IGDCC4: variants seen among roughly 807,000 people sequenced by gnomAD.
The protein encoded by IGDCC4 is likely ortholog of mouse neighbor of Punc E11.
A neutral mutation model predicts 116.6 loss-of-function variants in IGDCC4; 72 were observed. That is an observed-to-expected ratio of 0.62 (90% CI 0.51 to 0.75). The LOEUF is 0.75. Among genes scored for constraint, IGDCC4 ranks in the 30% least tolerant of loss-of-function variants. The pLI, the probability that IGDCC4 is intolerant of heterozygous loss-of-function variation, is 0.00. For synonymous variants in IGDCC4, 709 were observed against 719.9 expected (o/e 0.98, Z 0.24); for missense variants, 1,501 against 1,662.4 (o/e 0.90, Z 1.69).
At chr15:65,397,083 A>AGCAAACAC in intron 5 of IGDCC4, 94 bp from the exon 6 acceptor site, 1 of 1,435,468 alleles carries the variant, frequency 7.0e-7, no homozygotes, top group Non-Finnish European at 9.5e-7. Context: ...ACCCGGATAA[A>AGCAAACAC]GCAAACACAA....
chr15:65,393,167 A>G lies in IGDCC4; in HGVS notation c.1885+194T>C. Reference sequence around the variant, plus strand: ...CTCAGAATGGTTTGTCCAAGGTCACACAGCAAATCGAAGGGACACCAGATC... The same window carrying G: ...CTCAGAATGGTTTGTCCAAGGTCACGCAGCAAATCGAAGGGACACCAGATC... On this transcript the variant is annotated intron_variant, in intron 10 of 19. Transcript: ENST00000352385. The surrounding 1 kb of genome is among the most constrained non-coding windows in gnomAD (Gnocchi z 4.6). Among the ~76,000 whole-genome samples the G allele has an allele frequency of 6.6e-6, 1 of 152,164 alleles. No individual in the cohort carries two copies. Among genetic ancestry groups the G allele is most frequent in the Non-Finnish European group, 1.5e-5 (1 of 68,022 alleles).
chr15:65,403,769 ATGGATGAGGGTGTTCCCTGCCCTC>A (rs552981358), intron 3 of IGDCC4, among the ~76,000 whole-genome samples: 84 of 152,292 alleles, frequency 5.5e-4, no homozygotes, highest in African/African-American at 1.9e-3. Context: ...AAGGGGCATG[ATGGATGAGGGTGTTCCCTGCCCTC>A]TGGGCTAAAG....
At chr15:65,388,386 T>G in intron 16 of IGDCC4, 63 bp downstream of exon 16, 1 of 1,606,568 alleles carries the variant, frequency 6.2e-7, no homozygotes, top group Non-Finnish European at 8.5e-7. Flanking sequence ...AAATTGTAGT[T>G]GTGTCCACAG....
In IGDCC4 at chr15:65,396,992, G is replaced by A; in HGVS notation, c.842-3C>T. The A allele has an allele frequency of 1.9e-6, 3 of 1,577,840 alleles. 1 individual carries two copies. Among genetic ancestry groups the A allele is most frequent in the South Asian group, 2.3e-5 (2 of 85,938 alleles). ...ATCTGTGGAGATGGGCTTCCCGTCT[G>A]GGGAAGGAGAGGGAGACGCGCTGGA... On this transcript the variant is annotated splice_region_variant and splice_polypyrimidine_tract_variant and intron_variant, in intron 5 of 19. Transcript: ENST00000352385.
rs145664487 is a variant in IGDCC4 at position 65,402,335 on chromosome 15, C to G, written c.700+16G>C. ...CCAGAAACCCCCAGGTTTCCCCACCCAGCCAGCCCCCTTACCTCTGTGGGC... is the reference window on the plus strand; with the variant it reads ...CCAGAAACCCCCAGGTTTCCCCACCGAGCCAGCCCCCTTACCTCTGTGGGC... On this transcript the variant is annotated intron_variant, in intron 4 of 19. Transcript: ENST00000352385. 1.2e-3 allele frequency: 1,911 copies of G among 1,556,870 alleles called. 17 individuals are homozygous for G. In the African/African-American group the frequency reaches 0.023, roughly 19 times the overall value.
intron 13 of IGDCC4, 140 bp from the exon 14 acceptor site, chr15:65,389,551 G>A (rs1051347655): frequency 2.1e-5 from 23 of 1,121,292 alleles, no homozygotes; most frequent in Non-Finnish European, 2.7e-5. Context: ...GCCTGGAGGC[G>A]ACTACCACCA....
intron 6 of IGDCC4, 50 bp from the exon 7 acceptor site, chr15:65,396,213 T>TCTGCCCCTCCCCCCCAGACCCCCCAC: frequency 7.2e-7 from 1 of 1,397,376 alleles, no homozygotes; most frequent in Non-Finnish European, 9.2e-7. Flanking sequence ...AACTAAGGTC[T>TCTGCCCCTCCCCCCCAGACCCCCCAC]CTGCCCCCCC....
intron 1 of IGDCC4, 39 bp from the exon 2 acceptor site, chr15:65,411,409 C>G (rs1460013543): frequency 1.4e-6 from 2 of 1,472,802 alleles, no homozygotes; most frequent in South Asian, 2.8e-5. Flanking sequence ...AGTGTATGTC[C>G]CCCCACCTCC....
chr15:65,410,307 A>G lies in IGDCC4; in HGVS notation c.434T>C (p.Phe145Ser). The G allele has an allele frequency of 6.2e-7, 1 of 1,614,022 alleles. No homozygotes were observed. The highest frequency in any genetic ancestry group is 8.5e-7 in the Non-Finnish European group (1 of 1,180,024). ...CGTCTGAGACTCCGGGTGCAGAGAG[A>G]AGTCTGCGAGTGCTGGGGACAGTGA... ...AVVKLATLAD[F>S]SLHPESQTVE... The change falls in exon 3 of 20, where the codon TTC becomes TCC. Residue 145 changes from phenylalanine to serine, a missense_variant. Transcript: ENST00000352385.
At chr15:65,397,076 C>A in intron 5 of IGDCC4, 87 bp from the exon 6 acceptor site, 6 of 1,470,250 alleles carry the variant, frequency 4.1e-6, no homozygotes, top group Non-Finnish European at 5.5e-6. Context: ...ACTCTGCACC[C>A]GGATAAAGCA....
rs377136244 is a variant in IGDCC4 at position 65,385,234 on chromosome 15, T to C, written c.3181-119A>G. ...GAGCAGGGTCCAGACTGTCACCCGC[T>C]GCTCTCTCCCTCTCCAAGGCTCTGG... is the stretch of plus-strand genomic sequence containing the variant. On this transcript the variant is annotated intron_variant, in intron 18 of 19. Transcript: ENST00000352385. The C allele has an allele frequency of 9.6e-5, 102 of 1,059,588 alleles. No individual in the cohort carries two copies. The African/African-American group carries it at 1.4e-3, about 14-fold the overall frequency. The allele number at this position is 1,059,588 out of a possible 1,614,324, so 65.6% of individuals were successfully genotyped here. A position where few individuals can be genotyped will look rare whatever the true frequency, so the allele number is the denominator to read the frequency against.
intron 1 of IGDCC4, among the ~76,000 whole-genome samples, chr15:65,418,273 A>G (rs1459071970): frequency 1.3e-5 from 2 of 152,234 alleles, no homozygotes; most frequent in Non-Finnish European, 2.9e-5. Context: ...GTACTTAAAC[A>G]TGACCAGGCT....
chr15:65,421,818 C>T (rs2063193908), intron 1 of IGDCC4, among the ~76,000 whole-genome samples: 1 of 152,106 alleles, frequency 6.6e-6, no homozygotes, highest in Admixed American at 6.5e-5. Flanking sequence ...CCATGAGCCG[C>T]CCCCAAACGC....
In IGDCC4 at chr15:65,389,551, G is replaced by T. The variant is rs1051347655; in HGVS notation, c.2409-140C>A. On this transcript the variant is annotated intron_variant, in intron 13 of 19. Transcript: ENST00000352385. ...GGAAGCTGCTCCCTGGCCTGGAGGC[G>T]ACTACCACCACCCAGGGACCTACAG... The T allele has an allele frequency of 8.9e-6, 10 of 1,121,298 alleles. No homozygotes were observed. In the African/African-American group the frequency reaches 1.6e-4, roughly 17 times the overall value. The allele number at this position is 1,121,298 out of a possible 1,614,324, so 69.5% of individuals were successfully genotyped here.
intron 5 of IGDCC4, among the ~76,000 whole-genome samples, chr15:65,397,940 T>C (rs1410392683): frequency 6.6e-6 from 1 of 152,208 alleles, no homozygotes; most frequent in Non-Finnish European, 1.5e-5. Context: ...CAGGAACTGG[T>C]GAATTACATT....
chr15:65,393,850 A>G lies in IGDCC4; in HGVS notation c.1715-319T>C, dbSNP rs75416779. Among the ~76,000 whole-genome samples, 29,828 of 152,168 alleles carry G rather than the reference A, an allele frequency of 0.2. 3,072 individuals carry two copies. The highest frequency in any genetic ancestry group is 0.27 in the Admixed American group (4,195 of 15,302). On this transcript the variant is annotated intron_variant, in intron 9 of 19. Transcript: ENST00000352385. This position sits in a 1 kb window ranked among gnomAD's most constrained non-coding sequence, Gnocchi z 4.6. ...CACACACACGGGATGCAGACACAAG[A>G]GGCTGACCATGAAGGCCAGCAAGAA...
chr15:65,416,653 G>A (rs766502474), intron 1 of IGDCC4, among the ~76,000 whole-genome samples: 1 of 152,106 alleles, frequency 6.6e-6, no homozygotes, highest in South Asian at 2.1e-4. Context: ...CAGTGCCGGG[G>A]TGGACACATT....
chr15:65,390,433 C>G, intron 12 of IGDCC4, 95 bp from the exon 13 acceptor site: 1 of 1,028,628 alleles, frequency 9.7e-7, no homozygotes, highest in African/African-American at 1.6e-5. Context: ...GTTTCTTTGA[C>G]CCACTCCTTT....
chr15:65,384,356 G>A lies in IGDCC4; in HGVS notation c.3406C>T (p.His1136Tyr). 1 of 1,571,434 alleles carries A rather than the reference G, an allele frequency of 6.4e-7. No individual in the cohort carries two copies. ...RNQVEAEVIV[H>Y]SDFSASNGNP... ...CCGTTAGATGCACTAAAGTCAGAGT[G>A]GACAATGACTTCAGCCTCCACCTGG... Residue 1136 changes from histidine to tyrosine, a missense_variant, in exon 20 of 20, where the codon CAC becomes TAC. Physicochemically the swap from His to Tyr is moderately conservative, Grantham distance 83. This residue lies in a region of IGDCC4 where 368 missense variants were observed against 355.6 expected (regional missense o/e 1.03). Transcript: ENST00000352385. The surrounding 1 kb of genome is among the most constrained non-coding windows in gnomAD (Gnocchi z 4.9).
Sources: gnomAD v4.1 joint callset for allele counts (sites outside exome capture counted in the v4.1 genomes callset) on GRCh38, gnomAD v4.1.1 for gene constraint, gnomAD v4.1.1 regional missense constraint, Gnocchi (gnomAD v3.1) non-coding constraint, MANE v1.5 for transcripts, NCBI Gene and HGNC (gene_info 2026-07-23, HGNC 2026-07-21) for gene names.